Variants in KALRN observed in about 807,000 individuals in gnomAD.
KALRN encodes kalirin.
A neutral mutation model predicts 353.7 loss-of-function variants in KALRN; 70 were observed. The ratio of observed to expected loss-of-function variants is 0.20; its 90% CI spans 0.16 to 0.24. The LOEUF (loss-of-function observed/expected upper bound fraction) is 0.24, where lower values mean the gene tolerates loss of function less well. Ranked by LOEUF, KALRN falls within the 10% of genes least tolerant of loss-of-function variation. The pLI is 1.00. For missense variants in KALRN, 2,791 were observed against 3,756.7 expected, an observed-to-expected ratio of 0.74 and a Z score of 6.72; for synonymous variants, 1,391 against 1,434.8, an observed-to-expected ratio of 0.97 and a Z score of 0.69.
chr3:124,674,837 T>G, intron 49 of KALRN: 1 of 431,386 alleles, frequency 2.3e-6, no homozygotes, highest in Non-Finnish European at 4.0e-6. Flanking sequence ...GATTTTTCTT[T>G]CCTTTTGGTT....
intron 34 of KALRN, among the ~76,000 whole-genome samples, chr3:124,576,253 T>C (rs2074081026): frequency 6.6e-6 from 1 of 152,100 alleles, no homozygotes; most frequent in Admixed American, 6.6e-5. Context: ...TTAATATTCC[T>C]CTGCAAATCC....
intron 3 of KALRN, among the ~76,000 whole-genome samples, chr3:124,263,832 A>G (rs756049373): frequency 1.3e-5 from 2 of 152,172 alleles, no homozygotes; most frequent in African/African-American, 2.4e-5. Context: ...AGGACTTTCC[A>G]TCTCAGGTTT....
intron 34 of KALRN, among the ~76,000 whole-genome samples, chr3:124,575,987 C>T (rs1183127334): frequency 1.2e-4 from 19 of 152,044 alleles, no homozygotes. Flanking sequence ...CCTGACCAGC[C>T]TGCCTCACTG....
intron 3 of KALRN, among the ~76,000 whole-genome samples, chr3:124,255,509 T>C (rs12494833): frequency 0.28 from 43,089 of 152,170 alleles, 7,364 homozygotes; most frequent in Non-Finnish European, 0.38. Context: ...AATAAATTAA[T>C]GAACTAATAG....
At chr3:124,293,664 A>C (rs1254090359) in intron 5 of KALRN, among the ~76,000 whole-genome samples, 1 of 152,230 alleles carries the variant, frequency 6.6e-6, no homozygotes, top group Non-Finnish European at 1.5e-5. Context: ...TACATGTAAC[A>C]TCTATCTTCT....
At chr3:124,601,867 GAA>G (rs57773103) in intron 34 of KALRN, among the ~76,000 whole-genome samples, 7 of 150,012 alleles carry the variant, frequency 4.7e-5, no homozygotes, top group Admixed American at 4.0e-4. Context: ...CCATCTCTAG[GAA>G]AAAAAAAATA....
chr3:124,549,710 C>T (rs1343498635), intron 33 of KALRN, among the ~76,000 whole-genome samples: 1 of 152,002 alleles, frequency 6.6e-6, no homozygotes, highest in East Asian at 1.9e-4. Context: ...AGGAAGGGGA[C>T]ATCACTGTAG....
chr3:124,399,199 C>T (rs9289234), intron 13 of KALRN, among the ~76,000 whole-genome samples: 22,517 of 152,082 alleles, frequency 0.15, 1,685 homozygotes, highest in Admixed American at 0.18. Flanking sequence ...AGTGCATTGG[C>T]GCGATCTGGG....
At chr3:124,270,462 C>T (rs1441261218) in intron 5 of KALRN, among the ~76,000 whole-genome samples, 1 of 151,974 alleles carries the variant, frequency 6.6e-6, no homozygotes, top group East Asian at 1.9e-4. Flanking sequence ...ATTTTAATTT[C>T]TCTGTATAAT....
chr3:124,399,182 A>G (rs996588637), intron 13 of KALRN, among the ~76,000 whole-genome samples: 2 of 152,218 alleles, frequency 1.3e-5, no homozygotes, highest in South Asian at 2.1e-4. Context: ...TCTGTTGCCC[A>G]GGCTGAAGTG....
intron 34 of KALRN, among the ~76,000 whole-genome samples, chr3:124,626,063 A>G (rs932377925): frequency 5.9e-5 from 9 of 152,202 alleles, no homozygotes; most frequent in Non-Finnish European, 1.0e-4. Flanking sequence ...CTTAGGCAAC[A>G]GAGTAAGACT....
chr3:124,222,908 C>A (rs1267598515), intron 1 of KALRN, among the ~76,000 whole-genome samples: 1 of 152,020 alleles, frequency 6.6e-6, no homozygotes, highest in Non-Finnish European at 1.5e-5. Context: ...CCTGGCCTCA[C>A]CTGGGGTTCT....
chr3:124,454,656 C>T (rs1223502215), intron 21 of KALRN, among the ~76,000 whole-genome samples: 1 of 125,360 alleles, frequency 8.0e-6, no homozygotes, highest in African/African-American at 2.9e-5. Context: ...ATTCAACCAA[C>T]CATGAACTGA....
chr3:124,381,369 G>A lies in KALRN; in HGVS notation c.1771-3476G>A, dbSNP rs568195367. 2.6e-5 allele frequency among the ~76,000 whole-genome samples: 4 copies of A among 152,284 alleles called. No homozygotes were observed. The South Asian group carries it at 6.2e-4, about 24-fold the overall frequency. ...GGAAGTGATGTGGGTTGAAGCTGAA[G>A]GGAAAAAGTGTCAGGTGAAGAAGGG... On this transcript the variant is annotated intron_variant, in intron 10 of 59. Transcript: ENST00000682506.
At chr3:124,242,797 G>A (rs921725947) in intron 3 of KALRN, among the ~76,000 whole-genome samples, 2 of 152,158 alleles carry the variant, frequency 1.3e-5, no homozygotes, top group African/African-American at 2.4e-5. Flanking sequence ...GGTGAGGGTG[G>A]TGGTGGTGTT....
At chr3:124,298,354 G>A (rs1449678597) in intron 5 of KALRN, among the ~76,000 whole-genome samples, 1 of 152,142 alleles carries the variant, frequency 6.6e-6, no homozygotes, top group Non-Finnish European at 1.5e-5. Context: ...GTGTGGCTGG[G>A]CAGTGTATAA....
At chr3:124,373,860 G>A (rs2086212398) in intron 10 of KALRN, among the ~76,000 whole-genome samples, 1 of 152,154 alleles carries the variant, frequency 6.6e-6, no homozygotes, top group South Asian at 2.1e-4. Flanking sequence ...TCTTTTTGCA[G>A]GGACAGAATT....
At chr3:124,055,322 C>T (rs1201823855) in intron 1 of KALRN, among the ~76,000 whole-genome samples, 1 of 152,142 alleles carries the variant, frequency 6.6e-6, no homozygotes, top group East Asian at 1.9e-4. Context: ...TAGAAGTCTG[C>T]CAACTGTTAG....
intron 5 of KALRN, among the ~76,000 whole-genome samples, chr3:124,288,055 A>G (rs146064236): frequency 0.016 from 2,490 of 151,542 alleles, 50 homozygotes; most frequent in East Asian, 0.077. Context: ...TTGTATTCTT[A>G]TTAGAGATGG....
Sources: gnomAD v4.1 joint callset for allele counts (sites outside exome capture counted in the v4.1 genomes callset) on GRCh38, gnomAD v4.1.1 for gene constraint, MANE v1.5 for transcripts, NCBI Gene and HGNC (gene_info 2026-07-23, HGNC 2026-07-21) for gene names.